Variants in NRXN3 observed in about 807,000 individuals in gnomAD.
The protein encoded by NRXN3 is neurexin III.
A neutral mutation model predicts 137.6 loss-of-function variants in NRXN3; 32 were observed. That is an observed-to-expected ratio of 0.23 (90% CI 0.18 to 0.31). The LOEUF (loss-of-function observed/expected upper bound fraction) is 0.31. Among genes scored for constraint, NRXN3 ranks in the 10% least tolerant of loss-of-function variants. NRXN3 has a pLI of 1.00. For synonymous variants in NRXN3, 798 were observed against 784.5 expected, an observed-to-expected ratio of 1.02 and a Z score of -0.29; for missense variants, 1,574 against 2,062.5, an observed-to-expected ratio of 0.76 and a Z score of 4.59.
intron 4 of NRXN3, among the ~76,000 whole-genome samples, chr14:78,338,253 A>G (rs887151737): frequency 6.6e-6 from 1 of 152,162 alleles, no homozygotes; most frequent in Non-Finnish European, 1.5e-5. Flanking sequence ...TACATTTCAA[A>G]TGATGAAAAT....
chr14:78,181,604 A>G lies in NRXN3; in HGVS notation c.-704+10930A>G, dbSNP rs541974603. On this transcript the variant is annotated intron_variant, in intron 1 of 20. Coordinates refer to ENST00000335750, the MANE Select transcript of NRXN3 (RefSeq NM_001330195.2). ...GGCAGCCCTCAGGGAGGAGGGGATG[A>G]TCCCAACTTAGAAATTCGGCAGACT... Among the ~76,000 whole-genome samples, 20 of 152,274 alleles carry G rather than the reference A, an allele frequency of 1.3e-4. No individual in the cohort carries two copies. In the East Asian group the frequency reaches 3.9e-3, roughly 29 times the overall value.
intron 3 of NRXN3, chr14:78,282,400 T>C (rs2074530209): frequency 6.3e-6 from 2 of 315,078 alleles, no homozygotes; most frequent in Non-Finnish European, 1.3e-5. Context: ...CCCTCCTGCC[T>C]GGAGGGGCTG....
At chr14:79,020,997 C>T (rs560555881) in intron 15 of NRXN3, among the ~76,000 whole-genome samples, 3 of 152,070 alleles carry the variant, frequency 2.0e-5, no homozygotes, top group East Asian at 1.9e-4. Flanking sequence ...GATGTGTGAT[C>T]TTTACACAGT....
intron 20 of NRXN3, among the ~76,000 whole-genome samples, chr14:79,818,708 A>G (rs1176244846): frequency 1.3e-5 from 2 of 152,218 alleles, no homozygotes; most frequent in Non-Finnish European, 2.9e-5. Flanking sequence ...AAACTATTTT[A>G]AAAGCCAAAA....
At chr14:78,717,448 G>A (rs1288019016) in intron 8 of NRXN3, among the ~76,000 whole-genome samples, 2 of 152,090 alleles carry the variant, frequency 1.3e-5, no homozygotes, top group African/African-American at 2.4e-5. Flanking sequence ...TCTATACATC[G>A]CTCAAATCCC....
chr14:78,931,171 A>T (rs958962102), intron 10 of NRXN3, among the ~76,000 whole-genome samples: 2 of 152,176 alleles, frequency 1.3e-5, no homozygotes, highest in African/African-American at 4.8e-5. Flanking sequence ...TAGAAGGCAG[A>T]ATTAATCAAC....
chr14:78,974,742 T>C (rs2099457937), intron 14 of NRXN3, among the ~76,000 whole-genome samples: 1 of 152,196 alleles, frequency 6.6e-6, no homozygotes, highest in African/African-American at 2.4e-5. Flanking sequence ...GAAAAGCTTT[T>C]AGTTTTTTGT....
chr14:79,441,106 G>A (rs1265238244), intron 15 of NRXN3, among the ~76,000 whole-genome samples: 1 of 152,052 alleles, frequency 6.6e-6, no homozygotes, highest in Non-Finnish European at 1.5e-5. Flanking sequence ...ATGTTGTTAC[G>A]GATTATAGGT....
At chr14:78,843,409 C>T (rs971118276) in intron 10 of NRXN3, among the ~76,000 whole-genome samples, 3 of 152,022 alleles carry the variant, frequency 2.0e-5, no homozygotes, top group Non-Finnish European at 4.4e-5. Flanking sequence ...GACTTTGGCT[C>T]CATGTATAGC....
intron 20 of NRXN3, among the ~76,000 whole-genome samples, chr14:79,836,721 G>T (rs1451727315): frequency 6.6e-6 from 1 of 152,158 alleles, no homozygotes; most frequent in Admixed American, 6.6e-5. Context: ...GCTTTCCAGA[G>T]CAGTAACAGA....
At chr14:78,365,415 A>T (rs1370577380) in intron 4 of NRXN3, among the ~76,000 whole-genome samples, 1 of 152,176 alleles carries the variant, frequency 6.6e-6, no homozygotes, top group East Asian at 1.9e-4. Flanking sequence ...CAGATCCTAG[A>T]TTCTTTCATC....
chr14:79,287,914 G>A (rs2082543403), intron 15 of NRXN3, among the ~76,000 whole-genome samples: 1 of 152,132 alleles, frequency 6.6e-6, no homozygotes, highest in African/African-American at 2.4e-5. Flanking sequence ...CATAGCTGGG[G>A]AAAACTTTCC....
intron 19 of NRXN3, among the ~76,000 whole-genome samples, chr14:79,794,611 A>G (rs1277091663): frequency 5.3e-5 from 8 of 152,170 alleles, no homozygotes; most frequent in Admixed American, 4.6e-4. Context: ...GCCTGTAGAT[A>G]TAACATCCTT....
At chr14:79,794,228 G>C (rs112865090) in intron 19 of NRXN3, among the ~76,000 whole-genome samples, 6 of 152,232 alleles carry the variant, frequency 3.9e-5, no homozygotes, top group African/African-American at 1.4e-4. Flanking sequence ...GCAGGGCGTG[G>C]TGGCAGGCAC....
At chr14:78,407,444 A>G (rs750879097) in intron 4 of NRXN3, among the ~76,000 whole-genome samples, 1 of 152,208 alleles carries the variant, frequency 6.6e-6, no homozygotes, top group Non-Finnish European at 1.5e-5. Flanking sequence ...TATTCTAGCA[A>G]AGAAACCTGG....
At chr14:78,997,052 C>T (rs962681345) in intron 15 of NRXN3, among the ~76,000 whole-genome samples, 2 of 152,052 alleles carry the variant, frequency 1.3e-5, no homozygotes, top group Admixed American at 6.6e-5. Flanking sequence ...CAAGCTTTAT[C>T]AGGGCTAATA....
chr14:78,969,547 T>C (rs1203431228), intron 14 of NRXN3, among the ~76,000 whole-genome samples: 1 of 152,242 alleles, frequency 6.6e-6, no homozygotes, highest in Non-Finnish European at 1.5e-5. Flanking sequence ...TTCATTCCAC[T>C]TCTGTGTTCA....
At chr14:78,587,635 C>T (rs2097078615) in intron 4 of NRXN3, among the ~76,000 whole-genome samples, 1 of 152,200 alleles carries the variant, frequency 6.6e-6, no homozygotes, top group Admixed American at 6.5e-5. Flanking sequence ...TTTTATCCCT[C>T]TACACATTCG....
At position 79,470,919 on chromosome 14, in the gene NRXN3, T is replaced by TGAGA. The variant is rs879935930; in HGVS notation, c.3444+3534_3444+3537dup. Among the ~76,000 whole-genome samples, 117 of 131,398 alleles carry TGAGA rather than the reference T, an allele frequency of 8.9e-4. 1 individual carries two copies. Among genetic ancestry groups the TGAGA allele is most frequent in the African/African-American group, 1.4e-3 (42 of 30,306 alleles). 86.2% of individuals were successfully genotyped at this position (131,398 alleles called of 152,430 possible). On this transcript the variant is annotated intron_variant, in intron 16 of 20. Transcript: ENST00000335750. ...GAGAGAGAGTGTGTGTGTGTGTGTG[T>TGAGA]GAGAGAGAGAGAGAGAGAGAAAGAG...
Sources: gnomAD v4.1 joint callset for allele counts (sites outside exome capture counted in the v4.1 genomes callset) on GRCh38, gnomAD v4.1.1 for gene constraint, MANE v1.5 for transcripts, NCBI Gene and HGNC (gene_info 2026-07-23, HGNC 2026-07-21) for gene names.